Variants in ALDH1A3 observed in about 807,000 individuals in gnomAD.
ALDH1A3 encodes the protein retinaldehyde dehydrogenase 3.
In ALDH1A3, 28 loss-of-function variants were observed where a neutral mutation model predicts 57.5. That is an observed-to-expected ratio of 0.49 (90% CI 0.36 to 0.67). The LOEUF is 0.67. Among genes scored for constraint, ALDH1A3 ranks in the 30% least tolerant of loss-of-function variants. The pLI, the probability that ALDH1A3 is intolerant of heterozygous loss-of-function variation, is 0.00. For synonymous variants in ALDH1A3, 281 were observed against 264.8 expected (o/e 1.06, Z -0.59); for missense variants, 507 against 669.4 (o/e 0.76, Z 2.68).
At position 100,894,118 on chromosome 15, in the gene ALDH1A3, G is replaced by T; in HGVS notation, c.666+36G>T. ...CAAAAAGAAAATATCACATGTTCTT[G>T]GTAACATTCCCACTCCTAGGAACCA... On this transcript the variant is annotated intron_variant, in intron 6 of 12. Transcript: ENST00000329841. This position sits in a 1 kb window ranked among gnomAD's most constrained non-coding sequence, Gnocchi z 4.5. The T allele has an allele frequency of 6.2e-7, 1 of 1,609,236 alleles. No homozygotes were observed. The highest frequency in any genetic ancestry group is 8.5e-7 in the Non-Finnish European group (1 of 1,177,430).
chr15:100,911,336 G>C (rs1033088689), intron 12 of ALDH1A3, among the ~76,000 whole-genome samples: 1 of 152,202 alleles, frequency 6.6e-6, no homozygotes, highest in African/African-American at 2.4e-5. Flanking sequence ...TTCTGTGCGG[G>C]TCTCAGGATG....
chr15:100,883,407 A>G (rs1386598518), intron 1 of ALDH1A3, among the ~76,000 whole-genome samples: 1 of 152,216 alleles, frequency 6.6e-6, no homozygotes, highest in Non-Finnish European at 1.5e-5. Flanking sequence ...ATAAACCTGT[A>G]ATTGTAGCCT....
Position 100,887,688 on chromosome 15 carries a change from G to A in ALDH1A3, c.321G>A (p.Val107=), listed in dbSNP as rs1364629576. 1 of 1,609,132 alleles carries A rather than the reference G, an allele frequency of 6.2e-7. No homozygotes were observed. Among genetic ancestry groups the A allele is most frequent in the Non-Finnish European group, 8.5e-7 (1 of 1,177,436 alleles). ...GRLLHQLADL[V]ERDRATLAAL... is the part of the protein sequence containing the mutation. ...TGCTGCACCAGCTGGCTGACCTGGT[G>A]GAGAGGGACCGCGCCACCTTGGCCG... is the stretch of plus-strand genomic sequence containing the variant. The change falls in exon 3 of 13, where the codon GTG becomes GTA. Residue 107 remains valine, a synonymous_variant. Coordinates refer to ENST00000329841, the MANE Select transcript of ALDH1A3 (RefSeq NM_000693.4). The surrounding 1 kb of genome is among the most constrained non-coding windows in gnomAD (Gnocchi z 4.6).
At chr15:100,908,203 C>T (rs575396785) in intron 11 of ALDH1A3, among the ~76,000 whole-genome samples, 1 of 152,246 alleles carries the variant, frequency 6.6e-6, no homozygotes, top group Admixed American at 6.5e-5. Context: ...GAAACACACT[C>T]TGTACTTGAG....
At position 100,898,144 on chromosome 15, in the gene ALDH1A3, TGG is replaced by T; in HGVS notation, c.848_849del (p.Gly283GlufsTer11). 6.2e-7 allele frequency: 1 copy of T among 1,614,022 alleles called. No individual in the cohort carries two copies. Among genetic ancestry groups the T allele is most frequent in the Non-Finnish European group, 8.5e-7 (1 of 1,179,934 alleles). ...AATCTGAAGCGGGTGACGCTGGAGC[TGG>T]GGGGGAAGAACCCCTGCATCGTGTG... On this transcript the variant is annotated frameshift_variant, in exon 8 of 13. Coordinates refer to ENST00000329841, the MANE Select transcript of ALDH1A3 (RefSeq NM_000693.4). LOFTEE classifies it high-confidence loss of function.
In ALDH1A3 at chr15:100,887,865, G is replaced by A. The variant is rs1249742393; in HGVS notation, c.345+153G>A. 6.6e-6 allele frequency among the ~76,000 whole-genome samples: 1 copy of A among 152,176 alleles called. No individual in the cohort carries two copies. The highest frequency in any genetic ancestry group is 1.5e-5 in the Non-Finnish European group (1 of 68,042). On this transcript the variant is annotated intron_variant, in intron 3 of 12. Coordinates refer to ENST00000329841, the MANE Select transcript of ALDH1A3 (RefSeq NM_000693.4). This position sits in a 1 kb window ranked among gnomAD's most constrained non-coding sequence, Gnocchi z 4.6. ...GAGACACGGCTCTCTGGCAATACTT[G>A]CAGGTGTTAATGCCTCTAGACTGAA...
intron 12 of ALDH1A3, chr15:100,913,734 T>A (rs2041905204): frequency 6.6e-6 from 1 of 152,260 alleles, no homozygotes; most frequent in African/African-American, 2.4e-5. Flanking sequence ...GGGGGAGGCC[T>A]GAGAATCTAC....
chr15:100,894,304 A>G lies in ALDH1A3; in HGVS notation c.666+222A>G, dbSNP rs554637258. 43 of 526,392 alleles carry G rather than the reference A, an allele frequency of 8.2e-5. No individual in the cohort carries two copies. The highest frequency in any genetic ancestry group is 5.3e-4 in the Middle Eastern group (1 of 1,876). 32.6% of individuals were successfully genotyped at this position (526,392 alleles called of 1,614,324 possible). A position where few individuals can be genotyped will look rare whatever the true frequency, so the allele number is the denominator to read the frequency against. On this transcript the variant is annotated intron_variant, in intron 6 of 12. Transcript: ENST00000329841. The surrounding 1 kb of genome is among the most constrained non-coding windows in gnomAD (Gnocchi z 4.5). ...CCCAGTGGTCCTAATGAGAATGCTT[A>G]ACTCTTATTATGGGCTCAAACCTAT...
intron 1 of ALDH1A3, among the ~76,000 whole-genome samples, chr15:100,882,840 A>G (rs2041558936): frequency 6.6e-6 from 1 of 152,176 alleles, no homozygotes; most frequent in Non-Finnish European, 1.5e-5. Context: ...CCCTTTCCTT[A>G]TATTTGTGCT....
chr15:100,883,838 T>C (rs1365936927), intron 1 of ALDH1A3, among the ~76,000 whole-genome samples: 2 of 152,144 alleles, frequency 1.3e-5, no homozygotes, highest in African/African-American at 4.8e-5. Context: ...CCAAGACTCA[T>C]GCTTAGGAGA....
At chr15:100,899,732 C>T (rs2041747186) in intron 8 of ALDH1A3, among the ~76,000 whole-genome samples, 1 of 152,180 alleles carries the variant, frequency 6.6e-6, no homozygotes, top group African/African-American at 2.4e-5. Flanking sequence ...TGGTGCTGTC[C>T]TGCTGCCACT....
At chr15:100,896,593 T>C (rs1374826104) in intron 7 of ALDH1A3, among the ~76,000 whole-genome samples, 1 of 152,188 alleles carries the variant, frequency 6.6e-6, no homozygotes, top group Admixed American at 6.5e-5. Context: ...GCTGAGAATA[T>C]GGGGAAGCAG....
intron 12 of ALDH1A3, chr15:100,913,839 C>T (rs2041905981): frequency 1.3e-5 from 2 of 152,276 alleles, no homozygotes; most frequent in Admixed American, 6.5e-5. Flanking sequence ...GATTCTGTCA[C>T]AGGTCTTTTT....
At chr15:100,885,496 C>A in intron 2 of ALDH1A3, 125 bp downstream of exon 2, 1 of 660,186 alleles carries the variant, frequency 1.5e-6, no homozygotes, top group Non-Finnish European at 2.7e-6. Context: ...GGGCTAGCTG[C>A]GTGAATTGGC....
At position 100,889,561 on chromosome 15, in the gene ALDH1A3, G is replaced by A. The variant is rs74881354; in HGVS notation, c.345+1849G>A. ...TTCAAAAACATTTCTGTTTTCACCCGGCATGAGCTCATCGGTCGGCAATGT... is the reference window on the plus strand; with the variant it reads ...TTCAAAAACATTTCTGTTTTCACCCAGCATGAGCTCATCGGTCGGCAATGT... On this transcript the variant is annotated intron_variant, in intron 3 of 12. Coordinates refer to ENST00000329841, the MANE Select transcript of ALDH1A3 (RefSeq NM_000693.4). The surrounding 1 kb of genome is among the most constrained non-coding windows in gnomAD (Gnocchi z 5.1). 4.1e-3 allele frequency among the ~76,000 whole-genome samples: 619 copies of A among 152,274 alleles called. 10 individuals are homozygous for A. Among genetic ancestry groups the A allele is most frequent in the East Asian group, 0.022 (115 of 5,176 alleles).
intron 3 of ALDH1A3, 159 bp from the exon 4 acceptor site, chr15:100,892,351 C>A: frequency 2.1e-6 from 2 of 931,950 alleles, no homozygotes; most frequent in Non-Finnish European, 3.2e-6. Context: ...CCTCGCTTTA[C>A]ATTTGGTGTC....
chr15:100,896,100 C>A, intron 7 of ALDH1A3, 54 bp downstream of exon 7: 1 of 1,381,034 alleles, frequency 7.2e-7, no homozygotes, highest in Non-Finnish European at 1.0e-6. Flanking sequence ...TTATTTGACA[C>A]CCGTGAGCTT....
chr15:100,913,944 G>A (rs1170982401), intron 12 of ALDH1A3: 2 of 152,242 alleles, frequency 1.3e-5, no homozygotes, highest in African/African-American at 2.4e-5. Flanking sequence ...CGCTTAGAAG[G>A]ATTTAAATCT....
chr15:100,882,674 C>G (rs1456790490), intron 1 of ALDH1A3, among the ~76,000 whole-genome samples: 2 of 152,164 alleles, frequency 1.3e-5, no homozygotes, highest in Non-Finnish European at 2.9e-5. Flanking sequence ...AAATGTGAAC[C>G]AGGTCTACAG....
Sources: gnomAD v4.1 joint callset for allele counts (sites outside exome capture counted in the v4.1 genomes callset) on GRCh38, gnomAD v4.1.1 for gene constraint, Gnocchi (gnomAD v3.1) non-coding constraint, MANE v1.5 for transcripts, NCBI Gene and HGNC (gene_info 2026-07-23, HGNC 2026-07-21) for gene names.